STAU2: variants seen among roughly 807,000 people sequenced by gnomAD.
STAU2 encodes staufen double-stranded RNA binding protein 2.
In STAU2, 20 loss-of-function variants were observed where a neutral mutation model predicts 65.9. That is an observed-to-expected ratio of 0.30 (90% CI 0.21 to 0.44). The LOEUF (loss-of-function observed/expected upper bound fraction) is 0.44. Ranked by LOEUF, STAU2 falls within the 20% of genes least tolerant of loss-of-function variation. STAU2 has a pLI of 1.00. For synonymous variants in STAU2, 232 were observed against 233.9 expected (o/e 0.99, Z 0.07); for missense variants, 558 against 683.9 (o/e 0.82, Z 2.05).
intron 13 of STAU2, among the ~76,000 whole-genome samples, chr8:73,501,637 C>T (rs961121196): frequency 6.6e-6 from 1 of 151,830 alleles, no homozygotes; most frequent in Non-Finnish European, 1.5e-5. Flanking sequence ...ATATGTTTTC[C>T]TGGGGAAAGA....
At chr8:73,472,509 T>C (rs1170112095) in intron 13 of STAU2, among the ~76,000 whole-genome samples, 1 of 151,954 alleles carries the variant, frequency 6.6e-6, no homozygotes, top group Non-Finnish European at 1.5e-5. Context: ...AAACCATCAA[T>C]AAAAAAATTG....
At chr8:73,443,130 A>G (rs1299673710) in intron 13 of STAU2, among the ~76,000 whole-genome samples, 2 of 152,224 alleles carry the variant, frequency 1.3e-5, no homozygotes, top group African/African-American at 4.8e-5. Context: ...AATAGATTGT[A>G]GGCATATTGC....
At chr8:73,737,898 T>C (rs1202411952) in intron 3 of STAU2, among the ~76,000 whole-genome samples, 1 of 134,776 alleles carries the variant, frequency 7.4e-6, no homozygotes, top group Non-Finnish European at 1.6e-5. Context: ...AAGTGAACTT[T>C]AAAAAAAAAA....
chr8:73,645,935 A>G (rs1315697962), intron 6 of STAU2, among the ~76,000 whole-genome samples: 4 of 152,164 alleles, frequency 2.6e-5, no homozygotes. Flanking sequence ...CCATGATCCA[A>G]TCACCTCCCA....
At chr8:73,684,362 G>A (rs1818645313) in intron 5 of STAU2, among the ~76,000 whole-genome samples, 1 of 152,146 alleles carries the variant, frequency 6.6e-6, no homozygotes, top group African/African-American at 2.4e-5. Context: ...AGTGGGGAAA[G>A]GACATCCTAT....
chr8:73,617,937 T>G (rs986278759), intron 6 of STAU2, among the ~76,000 whole-genome samples: 1 of 152,226 alleles, frequency 6.6e-6, no homozygotes, highest in Non-Finnish European at 1.5e-5. Context: ...ATAAGGAGTT[T>G]AGGCCAGTTC....
chr8:73,467,250 C>T (rs943300893), intron 13 of STAU2, among the ~76,000 whole-genome samples: 1 of 152,052 alleles, frequency 6.6e-6, no homozygotes, highest in African/African-American at 2.4e-5. Context: ...TAGTTCTTCT[C>T]GGCCGGGCGC....
At chr8:73,705,393 A>G (rs1193991586) in intron 4 of STAU2, among the ~76,000 whole-genome samples, 3 of 152,176 alleles carry the variant, frequency 2.0e-5, no homozygotes, top group Non-Finnish European at 4.4e-5. Context: ...CCCATTCCAA[A>G]GTAAACCATC....
intron 13 of STAU2, among the ~76,000 whole-genome samples, chr8:73,508,915 T>G (rs1042799567): frequency 3.5e-4 from 54 of 152,240 alleles, no homozygotes; most frequent in African/African-American, 1.3e-3. Context: ...GATGGACATT[T>G]GAATTGTTTC....
intron 13 of STAU2, among the ~76,000 whole-genome samples, chr8:73,486,372 C>T (rs1252189726): frequency 2.0e-5 from 3 of 151,894 alleles, no homozygotes; most frequent in Non-Finnish European, 4.4e-5. Flanking sequence ...TAAATGAACA[C>T]TTGAATAATC....
chr8:73,493,121 C>T (rs1821228223), intron 13 of STAU2, among the ~76,000 whole-genome samples: 1 of 151,788 alleles, frequency 6.6e-6, no homozygotes, highest in African/African-American at 2.4e-5. Flanking sequence ...TAACATCACA[C>T]ACAAAATTTA....
At chr8:73,423,319 G>C (rs1226153764) in intron 13 of STAU2, among the ~76,000 whole-genome samples, 2 of 152,238 alleles carry the variant, frequency 1.3e-5, no homozygotes, top group Non-Finnish European at 2.9e-5. Flanking sequence ...GGGTGCGTGG[G>C]AAGCCGCAGG....
intron 8 of STAU2, among the ~76,000 whole-genome samples, chr8:73,614,886 A>T (rs1812721554): frequency 6.6e-6 from 1 of 152,154 alleles, no homozygotes; most frequent in African/African-American, 2.4e-5. Context: ...TGCTGCTTTT[A>T]ACAAGCTGTG....
intron 12 of STAU2, among the ~76,000 whole-genome samples, chr8:73,575,588 A>C (rs569110822): frequency 6.6e-6 from 1 of 152,292 alleles, no homozygotes; most frequent in Non-Finnish European, 1.5e-5. Context: ...CTAAATATCC[A>C]TCTGTGAAAA....
intron 6 of STAU2, among the ~76,000 whole-genome samples, chr8:73,644,802 C>T (rs1473373446): frequency 6.6e-6 from 1 of 152,072 alleles, no homozygotes; most frequent in Non-Finnish European, 1.5e-5. Flanking sequence ...TAAGGGAATA[C>T]TAAGATCAAT....
chr8:73,734,750 T>C (rs1000898476), intron 3 of STAU2, among the ~76,000 whole-genome samples: 2 of 151,726 alleles, frequency 1.3e-5, no homozygotes, highest in African/African-American at 4.9e-5. Flanking sequence ...GCCAAGATCA[T>C]GCCACTGCAC....
chr8:73,567,536 T>C (rs1041245998), intron 12 of STAU2, among the ~76,000 whole-genome samples: 1 of 151,264 alleles, frequency 6.6e-6, no homozygotes, highest in African/African-American at 2.4e-5. Context: ...TTTTTTCAAA[T>C]AATATTTGTC....
At chr8:73,517,937 C>T (rs1423568108) in intron 13 of STAU2, among the ~76,000 whole-genome samples, 4 of 152,122 alleles carry the variant, frequency 2.6e-5, no homozygotes, top group Non-Finnish European at 4.4e-5. Flanking sequence ...TCAATCTTCC[C>T]ACTAGCTTCC....
At chr8:73,593,395 T>C (rs973097499) in intron 11 of STAU2, among the ~76,000 whole-genome samples, 1 of 152,230 alleles carries the variant, frequency 6.6e-6, no homozygotes, top group African/African-American at 2.4e-5. Flanking sequence ...AGTTTTGTTA[T>C]ATGGTTAAAA....
Sources: allele counts gnomAD v4.1 joint callset (sites outside exome capture counted in the v4.1 genomes callset), GRCh38; gene constraint gnomAD v4.1.1; transcripts MANE v1.5; gene names NCBI Gene and HGNC (gene_info 2026-07-23, HGNC 2026-07-21).